The following ELAVL2 variants were observed in gnomAD, a reference collection of about 807,000 sequenced individuals.
ELAVL2 encodes the protein ELAV-like protein 2.
A neutral mutation model predicts 34.6 loss-of-function variants in ELAVL2; 4 were observed. The ratio of observed to expected loss-of-function variants is 0.12; its 90% CI spans 0.06 to 0.26. The LOEUF is 0.26. Ranked by LOEUF, ELAVL2 falls within the 10% of genes least tolerant of loss-of-function variation. The pLI is 1.00. For synonymous variants in ELAVL2, 193 were observed against 154.8 expected, an observed-to-expected ratio of 1.25 and a Z score of -1.83; for missense variants, 432 against 442.8, an observed-to-expected ratio of 0.98 and a Z score of 0.22.
intron 1 of ELAVL2, among the ~76,000 whole-genome samples, chr9:23,793,107 T>C (rs543872067): frequency 6.6e-6 from 1 of 152,152 alleles, no homozygotes; most frequent in East Asian, 1.9e-4. Context: ...CCTATTGTTG[T>C]GACAATTTGG....
chr9:23,796,457 T>C (rs190483425), intron 1 of ELAVL2, among the ~76,000 whole-genome samples: 93 of 152,366 alleles, frequency 6.1e-4, no homozygotes, highest in African/African-American at 2.2e-3. Flanking sequence ...AGATGAAATC[T>C]TAATGAAAGC....
At chr9:23,838,492 A>C in the ELAVL2 span, among the ~76,000 whole-genome samples, 1 of 152,294 alleles carries the variant, frequency 6.6e-6, no homozygotes, top group Middle Eastern at 3.4e-3. Context: ...ATTGAGATTT[A>C]ATACACATGA....
At chr9:23,746,055 C>T (rs2135392725) in intron 2 of ELAVL2, among the ~76,000 whole-genome samples, 1 of 152,032 alleles carries the variant, frequency 6.6e-6, no homozygotes, top group East Asian at 1.9e-4. Flanking sequence ...ATCTTCACTG[C>T]ACCTACTATT....
chr9:23,805,875 C>T (rs1488106954), intron 1 of ELAVL2, among the ~76,000 whole-genome samples: 2 of 152,138 alleles, frequency 1.3e-5, no homozygotes, highest in African/African-American at 2.4e-5. Flanking sequence ...ATACAGCACA[C>T]TTTGAAGCGG....
At chr9:23,736,691 C>T (rs1052072424) in intron 2 of ELAVL2, among the ~76,000 whole-genome samples, 1 of 152,140 alleles carries the variant, frequency 6.6e-6, no homozygotes, top group African/African-American at 2.4e-5. Flanking sequence ...AGCATTGGTT[C>T]TCTATTATTC....
chr9:23,740,905 A>T (rs2049002809), intron 2 of ELAVL2, among the ~76,000 whole-genome samples: 1 of 152,242 alleles, frequency 6.6e-6, no homozygotes, highest in Admixed American at 6.5e-5. Context: ...AGCAGATTGC[A>T]TTAAAATGCT....
intron 2 of ELAVL2, among the ~76,000 whole-genome samples, chr9:23,739,831 G>C (rs2048743419): frequency 6.6e-6 from 1 of 151,906 alleles, no homozygotes; most frequent in Non-Finnish European, 1.5e-5. Context: ...TCCATCAAGA[G>C]GCAGTACAGC....
At chr9:23,783,518 G>GGA (rs986513853) in intron 1 of ELAVL2, 1 of 985,286 alleles carries the variant, frequency 1.0e-6, no homozygotes, top group African/African-American at 1.7e-5. Flanking sequence ...AGGAATTCTT[G>GGA]GAGATGGAGC....
the ELAVL2 span, among the ~76,000 whole-genome samples, chr9:23,836,449 A>G: frequency 1.3e-5 from 2 of 152,210 alleles, no homozygotes; most frequent in Admixed American, 6.6e-5. Context: ...CTTATAGAGT[A>G]CTGATGTATT....
chr9:23,780,613 T>C (rs1337038051), intron 1 of ELAVL2, among the ~76,000 whole-genome samples: 1 of 152,156 alleles, frequency 6.6e-6, no homozygotes, highest in Non-Finnish European at 1.5e-5. Context: ...TCTTCATTAA[T>C]GGTCAAGGTT....
chr9:23,723,202 A>C (rs2044182914), intron 3 of ELAVL2, among the ~76,000 whole-genome samples: 1 of 152,200 alleles, frequency 6.6e-6, no homozygotes, highest in Non-Finnish European at 1.5e-5. Flanking sequence ...CTGGATTAAG[A>C]AAATGTGGCA....
At chr9:23,781,695 T>C (rs2059089137) in intron 1 of ELAVL2, among the ~76,000 whole-genome samples, 1 of 151,578 alleles carries the variant, frequency 6.6e-6, no homozygotes, top group African/African-American at 2.4e-5. Flanking sequence ...TTTAAATCTT[T>C]TTTTGTTTGT....
intron 1 of ELAVL2, among the ~76,000 whole-genome samples, chr9:23,792,355 A>G (rs1486801516): frequency 6.6e-6 from 1 of 152,232 alleles, no homozygotes; most frequent in East Asian, 1.9e-4. Context: ...ACCTTCTTGT[A>G]GCCACTGAAC....
chr9:23,701,690 T>C (rs374258096), intron 4 of ELAVL2, 86 bp from the exon 5 acceptor site: 63 of 1,403,882 alleles, frequency 4.5e-5, no homozygotes, highest in East Asian at 3.7e-4. Context: ...AATTTTTCCT[T>C]CTCAAGAACA....
chr9:23,816,195 C>T lies in ELAVL2; in HGVS notation c.-16+9611G>A, dbSNP rs931373118. On this transcript the variant is annotated intron_variant, in intron 1 of 6. Transcript: ENST00000397312. ...TCTAGCCCCTCAATATTAACAAGAA[C>T]TTCCAATTTTACAATGACTCTAAAG... Among the ~76,000 whole-genome samples, 2 of 151,650 alleles carry T rather than the reference C, an allele frequency of 1.3e-5. 1 individual carries two copies. Among genetic ancestry groups the T allele is most frequent in the African/African-American group, 4.8e-5 (2 of 41,320 alleles).
chr9:23,718,922 T>G (rs771540284), intron 3 of ELAVL2, among the ~76,000 whole-genome samples: 15 of 152,286 alleles, frequency 9.8e-5, no homozygotes, highest in Non-Finnish European at 2.2e-4. Context: ...ATATTCCCCC[T>G]AACAGCTTTA....
chr9:23,792,428 A>G (rs574748553), intron 1 of ELAVL2, among the ~76,000 whole-genome samples: 1 of 152,192 alleles, frequency 6.6e-6, no homozygotes, highest in African/African-American at 2.4e-5. Flanking sequence ...TACCTTCACT[A>G]AAATGAGTGT....
intron 1 of ELAVL2, among the ~76,000 whole-genome samples, chr9:23,776,220 C>A (rs945021829): frequency 6.6e-6 from 1 of 152,188 alleles, no homozygotes; most frequent in Non-Finnish European, 1.5e-5. Flanking sequence ...CTAACACACA[C>A]ATCTCTTTCC....
chr9:23,784,145 C>T (rs1278472957), intron 1 of ELAVL2, among the ~76,000 whole-genome samples: 1 of 151,910 alleles, frequency 6.6e-6, no homozygotes, highest in African/African-American at 2.4e-5. Context: ...TTGCTGTGAG[C>T]CGAGATTGCG....
Sources: gnomAD v4.1 joint callset for allele counts (sites outside exome capture counted in the v4.1 genomes callset) on GRCh38, gnomAD v4.1.1 for gene constraint, MANE v1.5 for transcripts, NCBI Gene and HGNC (gene_info 2026-07-23, HGNC 2026-07-21) for gene names.